Variants in ADAMTS9 observed in about 807,000 individuals in gnomAD.
ADAMTS9 encodes ADAM metallopeptidase with thrombospondin type 1 motif 9.
In ADAMTS9, 107 loss-of-function variants were observed where a neutral mutation model predicts 257.1. The observed-to-expected ratio is 0.42, with a 90% confidence interval of 0.36 to 0.49. The LOEUF is 0.49. ADAMTS9 is among the 20% of genes least tolerant of loss of function. ADAMTS9 has a pLI of 0.03. For missense variants in ADAMTS9, 2,353 were observed against 2,469.1 expected, an observed-to-expected ratio of 0.95 and a Z score of 1.00; for synonymous variants, 982 against 880.9, an observed-to-expected ratio of 1.11 and a Z score of -2.03.
intron 28 of ADAMTS9, among the ~76,000 whole-genome samples, chr3:64,592,102 A>T (rs2084273468): frequency 1.3e-5 from 2 of 152,152 alleles, no homozygotes; most frequent in South Asian, 4.1e-4. Context: ...CTGCCCTCTC[A>T]CTCATATATT....
chr3:64,554,858 G>T (rs2083311843), intron 30 of ADAMTS9, among the ~76,000 whole-genome samples: 1 of 152,216 alleles, frequency 6.6e-6, no homozygotes, highest in Non-Finnish European at 1.5e-5. Flanking sequence ...CCTGAAGGTG[G>T]TATTTTATTC....
intron 3 of ADAMTS9, among the ~76,000 whole-genome samples, chr3:64,666,762 T>A (rs1701361781): frequency 6.6e-6 from 1 of 152,180 alleles, no homozygotes; most frequent in Admixed American, 6.5e-5. Context: ...TAATAATAAT[T>A]ATTAGTGGTA....
chr3:64,643,107 T>C (rs1287520867), intron 11 of ADAMTS9, among the ~76,000 whole-genome samples: 2 of 152,192 alleles, frequency 1.3e-5, no homozygotes, highest in Non-Finnish European at 2.9e-5. Context: ...AGGCTTAAGA[T>C]GTTCTGCATC....
intron 4 of ADAMTS9, among the ~76,000 whole-genome samples, chr3:64,657,037 G>T (rs568033479): frequency 6.6e-6 from 1 of 151,990 alleles, no homozygotes; most frequent in Non-Finnish European, 1.5e-5. Flanking sequence ...ATCTCGAATC[G>T]TTCAAAAAAA....
intron 21 of ADAMTS9, among the ~76,000 whole-genome samples, chr3:64,614,348 T>C (rs1234529238): frequency 6.6e-6 from 1 of 152,222 alleles, no homozygotes; most frequent in African/African-American, 2.4e-5. Flanking sequence ...AGGTTTGCAG[T>C]TCATTTGTCC....
At chr3:64,564,711 T>G (rs2083499101) in intron 29 of ADAMTS9, among the ~76,000 whole-genome samples, 1 of 152,008 alleles carries the variant, frequency 6.6e-6, no homozygotes, top group South Asian at 2.1e-4. Flanking sequence ...CCCCCCCAAC[T>G]TGTGACAAAA....
intron 3 of ADAMTS9, among the ~76,000 whole-genome samples, chr3:64,676,404 G>T (rs1247887508): frequency 6.6e-6 from 1 of 152,028 alleles, no homozygotes; most frequent in Non-Finnish European, 1.5e-5. Flanking sequence ...GAATATAAAA[G>T]TTCAAAAGTA....
chr3:64,676,627 C>T (rs1408006703), intron 3 of ADAMTS9, among the ~76,000 whole-genome samples: 6 of 152,176 alleles, frequency 3.9e-5, no homozygotes, highest in African/African-American at 1.4e-4. Context: ...TTTTTAACAG[C>T]TGCATAGGAA....
chr3:64,562,895 T>C (rs2083452200), intron 29 of ADAMTS9: 1 of 152,204 alleles, frequency 6.6e-6, no homozygotes, highest in African/African-American at 2.4e-5. Context: ...TTTCTCTCCA[T>C]TTCAGATTTT....
In ADAMTS9 at chr3:64,631,420, C is replaced by G. The variant is rs377444996; in HGVS notation, c.2389+35G>C. 9.0e-6 allele frequency: 14 copies of G among 1,554,134 alleles called. No homozygotes were observed. In the African/African-American group the frequency reaches 1.9e-4, roughly 21 times the overall value. On this transcript the variant is annotated intron_variant, in intron 16 of 39. Transcript: ENST00000498707. The stretch of plus-strand genomic sequence containing the variant: ...AGTATCTGGCCACTGCTCCATAGAA[C>G]CAGAACTCGCAAGTAGTGAGGCATC...
intron 3 of ADAMTS9, among the ~76,000 whole-genome samples, chr3:64,674,930 C>T (rs1185966627): frequency 6.6e-6 from 1 of 152,144 alleles, no homozygotes; most frequent in African/African-American, 2.4e-5. Flanking sequence ...CCATCAGAGG[C>T]CTGCTGGAGA....
intron 19 of ADAMTS9, among the ~76,000 whole-genome samples, chr3:64,618,661 T>C (rs1700026480): frequency 6.6e-6 from 1 of 152,150 alleles, no homozygotes; most frequent in Non-Finnish European, 1.5e-5. Context: ...AAGCCATGTG[T>C]AGCATTTCAC....
At chr3:64,585,412 C>T (rs2084122069) in intron 28 of ADAMTS9, among the ~76,000 whole-genome samples, 1 of 152,118 alleles carries the variant, frequency 6.6e-6, no homozygotes, top group Non-Finnish European at 1.5e-5. Context: ...AGGTGGTTGA[C>T]TGTCTTACCA....
intron 38 of ADAMTS9, 63 bp downstream of exon 38, chr3:64,533,103 A>G (rs1252292272): frequency 6.8e-7 from 1 of 1,466,340 alleles, no homozygotes; most frequent in African/African-American, 1.4e-5. Flanking sequence ...TACCACAGTA[A>G]TAAAGACAAG....
intron 3 of ADAMTS9, among the ~76,000 whole-genome samples, chr3:64,667,492 A>G (rs999061271): frequency 2.6e-5 from 4 of 152,146 alleles, no homozygotes; most frequent in African/African-American, 9.7e-5. Context: ...GTGCGAGTGG[A>G]AGGCAACAAC....
chr3:64,637,650 G>C (rs947881807), intron 12 of ADAMTS9, among the ~76,000 whole-genome samples: 29 of 152,310 alleles, frequency 1.9e-4, no homozygotes, highest in African/African-American at 6.5e-4. Context: ...GATGAATTAG[G>C]GTAGTCAGAT....
chr3:64,616,030 T>G lies in ADAMTS9; in HGVS notation c.2954A>C (p.Lys985Thr). The change falls in exon 20 of 40, where the codon AAA (lysine) becomes ACA (threonine). Residue 985 changes from lysine to threonine, a missense_variant. Physicochemically the swap from Lys to Thr is moderately conservative, Grantham distance 78 (BLOSUM62 -1). Coordinates refer to ENST00000498707, the MANE Select transcript of ADAMTS9 (RefSeq NM_182920.2). ...TGAGCATTTTTCACGGTTGCTTGGT[T>G]TGGGATGGCTGCTGCAAAAACCATC... Reference protein sequence around the residue: ...VDDGFCSSHPKPSNREKCSGE... With the variant: ...VDDGFCSSHPTPSNREKCSGE... 1.9e-6 allele frequency: 3 copies of G among 1,614,050 alleles called. 1 individual carries two copies. The South Asian group carries it at 3.3e-5, about 18-fold the overall frequency.
chr3:64,603,745 T>C (rs570228458), intron 25 of ADAMTS9, among the ~76,000 whole-genome samples, 177 bp downstream of exon 25: 2 of 152,156 alleles, frequency 1.3e-5, no homozygotes, highest in South Asian at 4.2e-4. Flanking sequence ...TAGCTAAGAG[T>C]CCTTGCACAC....
rs575418117 is a variant in ADAMTS9 at position 64,603,575 on chromosome 3, C to T, written c.3747+347G>A. Among the ~76,000 whole-genome samples the T allele has an allele frequency of 5.3e-5, 8 of 152,182 alleles. No individual in the cohort carries two copies. In the South Asian group the frequency reaches 1.7e-3, roughly 32 times the overall value. ...GAATCTAGACTCAGAGTAAGAGCCT[C>T]TCCCCTCACTCTCCTGACATTTTTG... On this transcript the variant is annotated intron_variant, in intron 25 of 39. Coordinates refer to ENST00000498707, the MANE Select transcript of ADAMTS9 (RefSeq NM_182920.2).
Sources: gnomAD v4.1 joint callset for allele counts (sites outside exome capture counted in the v4.1 genomes callset) on GRCh38, gnomAD v4.1.1 for gene constraint, MANE v1.5 for transcripts, NCBI Gene and HGNC (gene_info 2026-07-23, HGNC 2026-07-21) for gene names.